Variants in POFUT3 observed in about 807,000 individuals in gnomAD.
POFUT3 encodes the protein GDP-fucose protein O-fucosyltransferase 3.
the POFUT3 span, chr8:33,377,484 A>G: frequency 1.3e-5 from 2 of 152,192 alleles, no homozygotes; most frequent in African/African-American, 4.8e-5. Flanking sequence ...CTGACCTTGC[A>G]TAACGGTTTA....
At chr8:33,377,096 G>T in the POFUT3 span, among the ~76,000 whole-genome samples, 13 of 152,094 alleles carry the variant, frequency 8.5e-5, no homozygotes, top group African/African-American at 3.1e-4. Context: ...GCTGGGCATG[G>T]TGGCATATGC....
chr8:33,311,040 C>T, the POFUT3 span, among the ~76,000 whole-genome samples: 1 of 152,188 alleles, frequency 6.6e-6, no homozygotes, highest in Non-Finnish European at 1.5e-5. Flanking sequence ...CCCTCCTTGT[C>T]AGAGGCTGGG....
the POFUT3 span, among the ~76,000 whole-genome samples, chr8:33,462,067 G>C: frequency 1.0e-5 from 1 of 99,262 alleles, no homozygotes; most frequent in African/African-American, 4.1e-5. Context: ...GGCTGCAGCA[G>C]GAGAATCACT....
At chr8:33,462,487 G>A in the POFUT3 span, among the ~76,000 whole-genome samples, 1 of 152,156 alleles carries the variant, frequency 6.6e-6, no homozygotes, top group African/African-American at 2.4e-5. Context: ...TTTTGCCACA[G>A]CATAAGGAAT....
At chr8:33,367,811 G>A in the POFUT3 span, among the ~76,000 whole-genome samples, 1 of 151,832 alleles carries the variant, frequency 6.6e-6, no homozygotes, top group South Asian at 2.1e-4. Flanking sequence ...AAGTTCTTGG[G>A]ATAATATCCT....
the POFUT3 span, chr8:33,389,256 C>T: frequency 5.0e-5 from 80 of 1,613,940 alleles, no homozygotes; most frequent in South Asian, 2.4e-4. Flanking sequence ...CTGGGGGATC[C>T]GTAATATACA....
chr8:33,427,864 C>T, the POFUT3 span, among the ~76,000 whole-genome samples: 1 of 152,104 alleles, frequency 6.6e-6, no homozygotes. Context: ...CGGTGGCTTA[C>T]ACCTGTAATC....
chr8:33,344,919 T>C, the POFUT3 span, among the ~76,000 whole-genome samples: 1 of 152,228 alleles, frequency 6.6e-6, no homozygotes, highest in Non-Finnish European at 1.5e-5. Context: ...TATGGCTTGA[T>C]TTTATGACAT....
chr8:33,334,117 T>C, the POFUT3 span, among the ~76,000 whole-genome samples: 2 of 152,186 alleles, frequency 1.3e-5, no homozygotes, highest in African/African-American at 4.8e-5. Context: ...ATCTTATTCA[T>C]AGCTGTACAG....
chr8:33,376,810 A>G, the POFUT3 span, among the ~76,000 whole-genome samples: 8 of 152,230 alleles, frequency 5.3e-5, no homozygotes, highest in Admixed American at 5.2e-4. Context: ...AAGCAAGAAC[A>G]GAACAAAATC....
the POFUT3 span, among the ~76,000 whole-genome samples, chr8:33,392,086 A>T: frequency 6.6e-6 from 1 of 152,106 alleles, no homozygotes; most frequent in Non-Finnish European, 1.5e-5. Context: ...TAGAGAGGAA[A>T]GTTAAAGGGA....
At chr8:33,368,251 C>T in the POFUT3 span, among the ~76,000 whole-genome samples, 2 of 152,132 alleles carry the variant, frequency 1.3e-5, no homozygotes, top group Non-Finnish European at 1.5e-5. Context: ...CTCTGACTGA[C>T]CAGAGGCTTG....
chr8:33,349,793 A>T, the POFUT3 span, among the ~76,000 whole-genome samples: 2 of 152,332 alleles, frequency 1.3e-5, no homozygotes, highest in Middle Eastern at 3.4e-3. Context: ...CTTTGGGCAG[A>T]TACCCAATAG....
the POFUT3 span, among the ~76,000 whole-genome samples, chr8:33,324,407 T>G: frequency 6.6e-6 from 1 of 152,158 alleles, no homozygotes; most frequent in Non-Finnish European, 1.5e-5. Flanking sequence ...GACCCTTTTT[T>G]AGGATGCAAG....
the POFUT3 span, among the ~76,000 whole-genome samples, chr8:33,345,293 C>T: frequency 6.6e-6 from 1 of 151,682 alleles, no homozygotes; most frequent in African/African-American, 2.4e-5. Context: ...CAAAAGAGCT[C>T]GAGAGTGAGA....
the POFUT3 span, among the ~76,000 whole-genome samples, chr8:33,428,838 C>G: frequency 6.6e-6 from 1 of 152,182 alleles, no homozygotes; most frequent in African/African-American, 2.4e-5. Flanking sequence ...AAGTGATGAT[C>G]CCTCCATCTT....
At chr8:33,365,425 A>G in the POFUT3 span, among the ~76,000 whole-genome samples, 257 of 152,344 alleles carry the variant, frequency 1.7e-3, 2 homozygotes, top group African/African-American at 6.0e-3. Context: ...TAATTAAACT[A>G]AAGAGCTTCT....
the POFUT3 span, among the ~76,000 whole-genome samples, chr8:33,410,251 A>T: frequency 6.6e-6 from 1 of 152,202 alleles, no homozygotes; most frequent in Non-Finnish European, 1.5e-5. Flanking sequence ...CCTTTGATGC[A>T]TCCAGTGACC....
At chr8:33,413,332 G>A in the POFUT3 span, among the ~76,000 whole-genome samples, 19,913 of 151,842 alleles carry the variant, frequency 0.13, 1,628 homozygotes, top group Middle Eastern at 0.25. Flanking sequence ...GAGCTCTCTC[G>A]GGCGCTCACT....
Sources: allele counts gnomAD v4.1 joint callset (sites outside exome capture counted in the v4.1 genomes callset), GRCh38; gene constraint gnomAD v4.1.1; transcripts MANE v1.5; gene names NCBI Gene and HGNC (gene_info 2026-07-23, HGNC 2026-07-21).